The following PEX5L variants were observed in gnomAD, a reference collection of about 807,000 sequenced individuals.
The protein encoded by PEX5L is peroxisomal biogenesis factor 5 like, also known as PEX5-related protein.
Under a neutral mutation model 84.0 loss-of-function variants are expected in PEX5L, and 30 were observed. That is an observed-to-expected ratio of 0.36 (90% CI 0.27 to 0.48). PEX5L has a LOEUF of 0.48. Among genes scored for constraint, PEX5L ranks in the 20% least tolerant of loss-of-function variants. The probability of loss-of-function intolerance (pLI) is 0.99; values close to 1 mark genes in which losing one functional copy is unlikely to be tolerated. For missense variants in PEX5L, 533 were observed against 754.6 expected (o/e 0.71, Z 3.44); for synonymous variants, 270 against 283.1 (o/e 0.95, Z 0.46).
intron 14 of PEX5L, among the ~76,000 whole-genome samples, chr3:179,802,310 G>A (rs1456701729): frequency 1.3e-5 from 2 of 151,982 alleles, no homozygotes; most frequent in Non-Finnish European, 2.9e-5. Context: ...CAAGGCAGGT[G>A]GATCACTTGA....
chr3:180,018,870 T>C (rs956583285), intron 1 of PEX5L, among the ~76,000 whole-genome samples: 2 of 147,804 alleles, frequency 1.4e-5, no homozygotes, highest in African/African-American at 5.1e-5. Flanking sequence ...GTTCAAGTTG[T>C]CTGTTTTTTG....
chr3:179,979,936 G>A (rs202081532), intron 1 of PEX5L, among the ~76,000 whole-genome samples: 1 of 152,010 alleles, frequency 6.6e-6, no homozygotes, highest in East Asian at 1.9e-4. Context: ...CTGGCATCCC[G>A]CACCTGCCAC....
At chr3:179,942,035 AAGAAG>A (rs1776274836) in intron 2 of PEX5L, among the ~76,000 whole-genome samples, 1 of 150,214 alleles carries the variant, frequency 6.7e-6, no homozygotes, top group Non-Finnish European at 1.5e-5. Context: ...AAAAAAAAAA[AAGAAG>A]AAAAGAAAAG....
chr3:179,860,746 T>A (rs1745798773), intron 7 of PEX5L, among the ~76,000 whole-genome samples: 2 of 152,254 alleles, frequency 1.3e-5, no homozygotes, highest in Non-Finnish European at 2.9e-5. Context: ...TTTTGCTTTT[T>A]TGGAGACTTC....
chr3:179,998,211 T>C (rs1788072637), intron 1 of PEX5L, among the ~76,000 whole-genome samples: 1 of 152,216 alleles, frequency 6.6e-6, no homozygotes, highest in Admixed American at 6.5e-5. Context: ...TGGCCCCTCC[T>C]ACAACCAAGA....
At chr3:179,840,002 T>C (rs1736442486) in intron 8 of PEX5L, among the ~76,000 whole-genome samples, 1 of 151,582 alleles carries the variant, frequency 6.6e-6, no homozygotes, top group Non-Finnish European at 1.5e-5. Flanking sequence ...CCTGGAGGGA[T>C]GAAAGGGTAG....
At chr3:179,815,835 CT>C in intron 10 of PEX5L, 25 bp downstream of exon 10, 1 of 1,613,012 alleles carries the variant, frequency 6.2e-7, no homozygotes, top group South Asian at 1.1e-5. Context: ...CTTTCTGAGT[CT>C]GGCAGAATGA....
At chr3:179,836,018 A>C (rs1002964749) in intron 8 of PEX5L, among the ~76,000 whole-genome samples, 1 of 152,220 alleles carries the variant, frequency 6.6e-6, no homozygotes, top group Non-Finnish European at 1.5e-5. Flanking sequence ...TTAGACAAAT[A>C]CATGAACAAA....
At chr3:179,815,810 T>C in intron 10 of PEX5L, 51 bp downstream of exon 10, 1 of 1,598,722 alleles carries the variant, frequency 6.3e-7, no homozygotes, top group South Asian at 1.1e-5. Context: ...TATCTGTCCC[T>C]TGTTAGCACA....
At chr3:179,844,189 A>T (rs1248386830) in intron 8 of PEX5L, among the ~76,000 whole-genome samples, 1 of 152,168 alleles carries the variant, frequency 6.6e-6, no homozygotes, top group Non-Finnish European at 1.5e-5. Context: ...GTGTGTTCTC[A>T]CCCATTTCAG....
intron 1 of PEX5L, among the ~76,000 whole-genome samples, chr3:179,989,065 A>T (rs936497991): frequency 6.6e-6 from 1 of 152,194 alleles, no homozygotes; most frequent in Non-Finnish European, 1.5e-5. Flanking sequence ...CTTCATTAGC[A>T]ATATCTTGCA....
chr3:179,886,788 T>C (rs1446295902), intron 4 of PEX5L, among the ~76,000 whole-genome samples: 1 of 152,182 alleles, frequency 6.6e-6, no homozygotes, highest in Non-Finnish European at 1.5e-5. Context: ...AGAAATATAA[T>C]GAAAATATGC....
At chr3:179,846,195 T>C (rs1355249253) in intron 8 of PEX5L, among the ~76,000 whole-genome samples, 1 of 151,834 alleles carries the variant, frequency 6.6e-6, no homozygotes, top group East Asian at 1.9e-4. Context: ...ACTATGATAG[T>C]TAGTTTTTAA....
chr3:179,996,195 A>T (rs1015991119), intron 1 of PEX5L, among the ~76,000 whole-genome samples: 1 of 152,048 alleles, frequency 6.6e-6, no homozygotes, highest in African/African-American at 2.4e-5. Flanking sequence ...AGGGCCCTAG[A>T]GGTGAGGGTG....
intron 7 of PEX5L, among the ~76,000 whole-genome samples, chr3:179,870,738 C>T (rs569902632): frequency 1.3e-5 from 2 of 152,148 alleles, no homozygotes; most frequent in African/African-American, 4.8e-5. Flanking sequence ...TGTGACTCTC[C>T]GCATGCTTCC....
At chr3:179,827,189 T>C (rs1009405076) in intron 8 of PEX5L, among the ~76,000 whole-genome samples, 3 of 152,238 alleles carry the variant, frequency 2.0e-5, no homozygotes, top group African/African-American at 7.2e-5. Context: ...TGTCTTTGAA[T>C]GCCTGCCTTG....
At chr3:179,868,012 A>G (rs1453731225) in intron 7 of PEX5L, among the ~76,000 whole-genome samples, 2 of 139,292 alleles carry the variant, frequency 1.4e-5, no homozygotes, top group Non-Finnish European at 3.2e-5. Flanking sequence ...CAAATGCTTT[A>G]TTATTTATGT....
Position 179,954,830 on chromosome 3 carries a change from C to T in PEX5L, c.93+16764G>A, listed in dbSNP as rs151272955. Reference sequence around the variant, plus strand: ...ATTCTGAAAAACTGTCATAATTATACCTCTCAGGATGCTGTCTGGCACATA... The same window carrying T: ...ATTCTGAAAAACTGTCATAATTATATCTCTCAGGATGCTGTCTGGCACATA... On this transcript the variant is annotated intron_variant, in intron 2 of 14. Transcript: ENST00000467460. Among the ~76,000 whole-genome samples the T allele has an allele frequency of 6.9e-4, 104 of 151,780 alleles. No homozygotes were observed. The East Asian group carries it at 0.02, about 29-fold the overall frequency.
At chr3:179,812,807 A>G (rs6809820) in intron 10 of PEX5L, among the ~76,000 whole-genome samples, 124,691 of 150,940 alleles carry the variant, frequency 0.83, 51,778 homozygotes, top group East Asian at 0.91. Context: ...TAGGGTCTTA[A>G]GGTTTAAAAA....
Sources: allele counts gnomAD v4.1 joint callset (sites outside exome capture counted in the v4.1 genomes callset), GRCh38; gene constraint gnomAD v4.1.1; transcripts MANE v1.5; gene names NCBI Gene and HGNC (gene_info 2026-07-23, HGNC 2026-07-21).